The following DPT variants were observed in gnomAD, a reference collection of about 807,000 sequenced individuals.
The protein encoded by DPT is dermatopontin, also known as tyrosine-rich acidic matrix protein.
In DPT, 21 loss-of-function variants were observed where a neutral mutation model predicts 31.2. The observed-to-expected ratio is 0.67, with a 90% CI of 0.48 to 0.97. The LOEUF (loss-of-function observed/expected upper bound fraction) is 0.97. Ranked by LOEUF, DPT falls within the 50% of genes least tolerant of loss-of-function variation. DPT has a pLI of 0.00. For synonymous variants in DPT, 91 were observed against 86.9 expected, an observed-to-expected ratio of 1.05 and a Z score of -0.26; for missense variants, 262 against 258.8, an observed-to-expected ratio of 1.01 and a Z score of -0.08.
At chr1:168,726,120 C>A (rs1444494462) in intron 1 of DPT, among the ~76,000 whole-genome samples, 1 of 152,028 alleles carries the variant, frequency 6.6e-6, no homozygotes, top group African/African-American at 2.4e-5. Flanking sequence ...AGTTTTCAAC[C>A]CTGTGATTAG....
Position 168,729,089 on chromosome 1 carries a change from T to C in DPT, c.86A>G (p.Gln29Arg), listed in dbSNP as rs1650316688. The C allele has an allele frequency of 6.2e-7, 1 of 1,614,116 alleles. No individual in the cohort carries two copies. Among genetic ancestry groups the C allele is most frequent in the African/African-American group, 1.3e-5 (1 of 74,944 alleles). Residue 29 changes from glutamine (Q) to arginine (R), a missense_variant, in exon 1 of 4, where the codon CAG becomes CGG. By Grantham distance (43) the Gln-to-Arg change is conservative. Coordinates refer to ENST00000367817, the MANE Select transcript of DPT (RefSeq NM_001937.5). ...CCCATCATCGCTGTAGTCATGATAC[T>C]GCTGGTATGGGTATCCATAATCGCC... ...QYGDYGYPYQQYHDYSDDGWV... is the reference protein window; with the variant it reads ...QYGDYGYPYQRYHDYSDDGWV...
chr1:168,711,899 C>T (rs952855119), intron 2 of DPT, among the ~76,000 whole-genome samples: 34 of 152,266 alleles, frequency 2.2e-4, no homozygotes, highest in African/African-American at 7.7e-4. Flanking sequence ...ATTTATAGGG[C>T]TTGGCATATG....
intron 2 of DPT, among the ~76,000 whole-genome samples, chr1:168,706,613 A>T (rs1649721190): frequency 6.6e-6 from 1 of 152,228 alleles, no homozygotes; most frequent in African/African-American, 2.4e-5. Context: ...TTCTCTGCAC[A>T]GAAAATCTGA....
At chr1:168,708,120 A>C (rs1427619994) in intron 2 of DPT, among the ~76,000 whole-genome samples, 2 of 152,196 alleles carry the variant, frequency 1.3e-5, no homozygotes, top group African/African-American at 4.8e-5. Context: ...AAGATAATGC[A>C]AATGCTATGT....
Position 168,700,940 on chromosome 1 carries a change from T to C in DPT, c.539+77A>G, listed in dbSNP as rs1649581309. 27 of 880,906 alleles carry C rather than the reference T, an allele frequency of 3.1e-5. No homozygotes were observed. In the South Asian group the frequency reaches 3.7e-4, roughly 12 times the overall value. The allele number at this position is 880,906 out of a possible 1,614,324, so 54.6% of individuals were successfully genotyped here. Reference sequence around the variant, plus strand: ...GTGTGTGTGTGTGTTTATAAATTCCTGCAGGTAAAATCCTTGCAGGGAGTT... The same window carrying C: ...GTGTGTGTGTGTGTTTATAAATTCCCGCAGGTAAAATCCTTGCAGGGAGTT... On this transcript the variant is annotated intron_variant, in intron 3 of 3. Transcript: ENST00000367817.
chr1:168,721,484 C>T (rs1401008995), intron 1 of DPT, among the ~76,000 whole-genome samples: 2 of 152,144 alleles, frequency 1.3e-5, no homozygotes, highest in Admixed American at 6.5e-5. Flanking sequence ...AGGCTACATC[C>T]TAGTCACGAA....
chr1:168,707,257 T>C lies in DPT; in HGVS notation c.432-6133A>G, dbSNP rs925211875. Among the ~76,000 whole-genome samples the C allele has an allele frequency of 2.6e-5, 4 of 152,164 alleles. No homozygotes were observed. In the East Asian group the frequency reaches 5.8e-4, roughly 22 times the overall value. On this transcript the variant is annotated intron_variant, in intron 2 of 3. Transcript: ENST00000367817. ...TGTCAATAAATAAATATTATTATTATCATCATTATCATTAGTAGGGTCTCA... is the reference window on the plus strand; with the variant it reads ...TGTCAATAAATAAATATTATTATTACCATCATTATCATTAGTAGGGTCTCA...
intron 1 of DPT, among the ~76,000 whole-genome samples, chr1:168,724,887 A>C (rs1045680064): frequency 6.6e-6 from 1 of 152,026 alleles, no homozygotes; most frequent in Non-Finnish European, 1.5e-5. Context: ...GAATTCATAA[A>C]CTCAGCTCTA....
At chr1:168,719,174 C>T (rs1182278017) in intron 1 of DPT, among the ~76,000 whole-genome samples, 2 of 152,106 alleles carry the variant, frequency 1.3e-5, no homozygotes, top group Non-Finnish European at 2.9e-5. Context: ...CATTAAGGGC[C>T]CTGAAACTCC....
chr1:168,720,401 A>G (rs1650075238), intron 1 of DPT, among the ~76,000 whole-genome samples: 1 of 152,168 alleles, frequency 6.6e-6, no homozygotes, highest in African/African-American at 2.4e-5. Context: ...GAGCATTTGC[A>G]AGGTGTGTGA....
intron 1 of DPT, among the ~76,000 whole-genome samples, chr1:168,715,841 T>C (rs1305886792): frequency 6.6e-6 from 1 of 152,244 alleles, no homozygotes; most frequent in Non-Finnish European, 1.5e-5. Context: ...CTTCTTTGCA[T>C]TTCCCACCAT....
chr1:168,702,326 C>A (rs1649617617), intron 2 of DPT, among the ~76,000 whole-genome samples: 1 of 152,202 alleles, frequency 6.6e-6, no homozygotes, highest in South Asian at 2.1e-4. Context: ...ACTGTAAGGG[C>A]TCCTAGGAGG....
chr1:168,702,452 G>A (rs773946200), intron 2 of DPT, among the ~76,000 whole-genome samples: 6 of 152,190 alleles, frequency 3.9e-5, no homozygotes, highest in South Asian at 2.1e-4. Context: ...TTCCTAAGAC[G>A]TAATTATGCT....
chr1:168,715,828 C>T (rs1649974165), intron 1 of DPT, among the ~76,000 whole-genome samples: 1 of 152,220 alleles, frequency 6.6e-6, no homozygotes, highest in Non-Finnish European at 1.5e-5. Context: ...TCAGTTACCT[C>T]TCCTTCTTTG....
At chr1:168,715,028 AGAATCCTG>A (rs1649948184) in intron 1 of DPT, among the ~76,000 whole-genome samples, 1 of 152,112 alleles carries the variant, frequency 6.6e-6, no homozygotes, top group Non-Finnish European at 1.5e-5. Context: ...GTGGCCACCA[AGAATCCTG>A]GCTGTGGAGG....
intron 2 of DPT, among the ~76,000 whole-genome samples, chr1:168,705,611 C>G (rs1311949699): frequency 6.6e-6 from 1 of 152,012 alleles, no homozygotes; most frequent in Non-Finnish European, 1.5e-5. Context: ...AGCTTATGCT[C>G]AAACAACATT....
chr1:168,703,864 T>C (rs1572625448), intron 2 of DPT, among the ~76,000 whole-genome samples: 1 of 152,224 alleles, frequency 6.6e-6, no homozygotes. Context: ...CAGGATGCTG[T>C]GTTCTGTATT....
intron 2 of DPT, among the ~76,000 whole-genome samples, chr1:168,710,967 C>T (rs1649841385): frequency 6.6e-6 from 1 of 151,906 alleles, no homozygotes; most frequent in South Asian, 2.1e-4. Flanking sequence ...TTACCTTCAT[C>T]CACCCCCTAT....
chr1:168,728,635 A>T (rs574562822), intron 1 of DPT, among the ~76,000 whole-genome samples: 3 of 152,124 alleles, frequency 2.0e-5, no homozygotes, highest in Non-Finnish European at 4.4e-5. Context: ...TCTGGAAGGA[A>T]CAGAGCCACA....
Sources: gnomAD v4.1 joint callset for allele counts (sites outside exome capture counted in the v4.1 genomes callset) on GRCh38, gnomAD v4.1.1 for gene constraint, MANE v1.5 for transcripts, NCBI Gene and HGNC (gene_info 2026-07-23, HGNC 2026-07-21) for gene names.